Variants in SLC13A1 observed in about 807,000 individuals in gnomAD.
The protein encoded by SLC13A1 is Na(+)/sulfate cotransporter.
SLC13A1 carries 65 observed loss-of-function variants against 70.0 expected under a neutral mutation model. The ratio of observed to expected loss-of-function variants is 0.93; its 90% confidence interval spans 0.76 to 1.14. SLC13A1 has a LOEUF of 1.14. SLC13A1 is among the 50% of genes most tolerant of loss of function. The probability of loss-of-function intolerance (pLI) is 0.00; values close to 1 mark genes in which losing one functional copy is unlikely to be tolerated. For missense variants in SLC13A1, 726 were observed against 717.8 expected (o/e 1.01, Z -0.13); for synonymous variants, 275 against 250.5 (o/e 1.10, Z -0.92).
At chr7:123,170,023 A>G (rs965245617) in intron 3 of SLC13A1, among the ~76,000 whole-genome samples, 3 of 148,192 alleles carry the variant, frequency 2.0e-5, no homozygotes, top group Admixed American at 6.6e-5. Context: ...TAGAGTAGTT[A>G]TTAGTTATTC....
intron 8 of SLC13A1, among the ~76,000 whole-genome samples, chr7:123,130,547 C>T (rs1209590833): frequency 1.3e-5 from 2 of 152,026 alleles, no homozygotes; most frequent in Non-Finnish European, 2.9e-5. Flanking sequence ...AAGAACAACA[C>T]ACACTGGGGC....
chr7:123,117,383 A>C, intron 14 of SLC13A1, 88 bp downstream of exon 14: 1 of 1,290,274 alleles, frequency 7.8e-7, no homozygotes. Context: ...CTGGTGGTTG[A>C]TTGGTGTATA....
intron 8 of SLC13A1, among the ~76,000 whole-genome samples, chr7:123,132,617 T>A (rs1227071847): frequency 1.3e-5 from 2 of 151,988 alleles, no homozygotes; most frequent in Admixed American, 1.3e-4. Flanking sequence ...GGAGATCCAC[T>A]CCCCTGGCCT....
chr7:123,156,016 G>A (rs114700035), intron 6 of SLC13A1, among the ~76,000 whole-genome samples: 1 of 152,104 alleles, frequency 6.6e-6, no homozygotes, highest in Non-Finnish European at 1.5e-5. Context: ...ATGTGGATTT[G>A]AGGAAGAAAG....
At position 123,129,324 on chromosome 7, in the gene SLC13A1, C is replaced by CTGTGTGTG. The variant is rs3837116; in HGVS notation, c.1031+51_1031+58dup. 161 of 781,278 alleles carry CTGTGTGTG rather than the reference C, an allele frequency of 2.1e-4. 1 individual carries two copies. The African/African-American group carries it at 2.9e-3, about 14-fold the overall frequency. 48.4% of individuals were successfully genotyped at this position (781,278 alleles called of 1,614,324 possible). A position where few individuals can be genotyped will look rare whatever the true frequency, so the allele number is the denominator to read the frequency against. ...AGTGTAAACAGCATTTCTCTCTTCT[C>CTGTGTGTG]TGTGTGTGTGTGTGTGTGTGTGTGT... is the stretch of plus-strand genomic sequence containing the variant. On this transcript the variant is annotated intron_variant, in intron 9 of 14. Transcript: ENST00000194130.
chr7:123,149,610 A>G (rs1794485523), intron 6 of SLC13A1: 1 of 456,390 alleles, frequency 2.2e-6, no homozygotes, highest in African/African-American at 2.0e-5. Flanking sequence ...TGGTCACCTC[A>G]CTTGCAAGTA....
intron 13 of SLC13A1, 85 bp downstream of exon 13, chr7:123,118,996 T>C: frequency 7.9e-7 from 1 of 1,268,438 alleles, no homozygotes; most frequent in Non-Finnish European, 1.1e-6. Flanking sequence ...CAAAAGAGAT[T>C]CCATACCACA....
chr7:123,193,363 T>A (rs1422615123), intron 1 of SLC13A1, among the ~76,000 whole-genome samples: 3 of 152,120 alleles, frequency 2.0e-5, no homozygotes, highest in Admixed American at 6.5e-5. Flanking sequence ...TGGGGAATGT[T>A]TCAGAATATG....
At chr7:123,169,887 T>C (rs1300629793) in intron 3 of SLC13A1, among the ~76,000 whole-genome samples, 1 of 152,122 alleles carries the variant, frequency 6.6e-6, no homozygotes, top group Non-Finnish European at 1.5e-5. Context: ...GTGGAGAAAA[T>C]AGTTAAAGTC....
In SLC13A1 at chr7:123,123,116, A is replaced by C; in HGVS notation, c.1350+10T>G. On this transcript the variant is annotated intron_variant, in intron 12 of 14. Coordinates refer to ENST00000194130, the MANE Select transcript of SLC13A1 (RefSeq NM_022444.4). ...GTTAATTGTTAAATATCTTACACAC[A>C]GAGTATTACCTCACAACCATCTGCC... 6.4e-7 allele frequency: 1 copy of C among 1,556,034 alleles called. No individual in the cohort carries two copies. The highest frequency in any genetic ancestry group is 8.9e-7 in the Non-Finnish European group (1 of 1,127,552).
chr7:123,150,402 T>C (rs1411139565), intron 6 of SLC13A1, among the ~76,000 whole-genome samples: 1 of 152,098 alleles, frequency 6.6e-6, no homozygotes, highest in African/African-American at 2.4e-5. Context: ...GTCTCTCAGA[T>C]TTTCTCAGAA....
chr7:123,146,624 A>G (rs574153990), intron 7 of SLC13A1, among the ~76,000 whole-genome samples: 3 of 152,324 alleles, frequency 2.0e-5, no homozygotes, highest in African/African-American at 7.2e-5. Context: ...CATTTCTGCA[A>G]TGGAATTGTC....
At position 123,119,067 on chromosome 7, in the gene SLC13A1, A is replaced by C. The variant is rs765102382; in HGVS notation, c.1512+14T>G. 6.2e-7 allele frequency: 1 copy of C among 1,607,870 alleles called. No homozygotes were observed. On this transcript the variant is annotated intron_variant, in intron 13 of 14. Coordinates refer to ENST00000194130, the MANE Select transcript of SLC13A1 (RefSeq NM_022444.4). The stretch of plus-strand genomic sequence containing the variant: ...CTTAATGAAGAGTAAAAAGGGGATA[A>C]ATGAGATACTCACCAATGGAGATAA...
intron 9 of SLC13A1, among the ~76,000 whole-genome samples, 153 bp downstream of exon 9, chr7:123,129,230 G>A (rs1482218736): frequency 5.3e-5 from 8 of 151,842 alleles, no homozygotes; most frequent in Non-Finnish European, 8.8e-5. Context: ...CAAATTTGGG[G>A]CCCTAATCAA....
rs768574610 is a variant in SLC13A1 at position 123,194,729 on chromosome 7, G to A, written c.99+5119C>T. Among the ~76,000 whole-genome samples, 34 of 152,146 alleles carry A rather than the reference G, an allele frequency of 2.2e-4. 1 individual carries two copies. Among genetic ancestry groups the A allele is most frequent in the South Asian group, 6.2e-4 (3 of 4,822 alleles). ...ATTTAGATTAAGGAGATGCAACACCGTATTAGTGATGGGGGCTTGTGGATA... is the reference window on the plus strand; with the variant it reads ...ATTTAGATTAAGGAGATGCAACACCATATTAGTGATGGGGGCTTGTGGATA... On this transcript the variant is annotated intron_variant, in intron 1 of 14. Transcript: ENST00000194130.
At chr7:123,186,234 C>A (rs1472516732) in intron 1 of SLC13A1, among the ~76,000 whole-genome samples, 5 of 151,900 alleles carry the variant, frequency 3.3e-5, no homozygotes, top group Non-Finnish European at 7.4e-5. Context: ...CCATTTTCTT[C>A]TTTTGTGTTA....
chr7:123,173,481 T>C (rs1795340768), intron 2 of SLC13A1, among the ~76,000 whole-genome samples: 1 of 152,174 alleles, frequency 6.6e-6, no homozygotes, highest in African/African-American at 2.4e-5. Flanking sequence ...AAAAATATTA[T>C]AGGAGCAGAG....
At chr7:123,148,842 A>G (rs774528047) in intron 6 of SLC13A1, among the ~76,000 whole-genome samples, 51 of 152,252 alleles carry the variant, frequency 3.3e-4, no homozygotes, top group Non-Finnish European at 4.1e-4. Flanking sequence ...TGCTACACTC[A>G]GTTTTTAAAC....
intron 2 of SLC13A1, among the ~76,000 whole-genome samples, chr7:123,179,545 A>C (rs1291951845): frequency 6.6e-6 from 1 of 152,104 alleles, no homozygotes; most frequent in Non-Finnish European, 1.5e-5. Context: ...TGCCATTGGC[A>C]CCTACAATTT....
Sources: allele counts gnomAD v4.1 joint callset (sites outside exome capture counted in the v4.1 genomes callset), GRCh38; gene constraint gnomAD v4.1.1; transcripts MANE v1.5; gene names NCBI Gene and HGNC (gene_info 2026-07-23, HGNC 2026-07-21).